CNTN2: variants seen among roughly 807,000 people sequenced by gnomAD.
The protein encoded by CNTN2 is contactin 2, also known as contactin-2.
In CNTN2, 53 loss-of-function variants were observed where a neutral mutation model predicts 117.5. That is an observed-to-expected ratio of 0.45 (90% CI 0.36 to 0.57). The LOEUF (loss-of-function observed/expected upper bound fraction) is 0.57. Ranked by LOEUF, CNTN2 falls within the 20% of genes least tolerant of loss-of-function variation. The pLI is 0.00. For missense variants in CNTN2, 1,106 were observed against 1,404.3 expected (o/e 0.79, Z 3.39); for synonymous variants, 530 against 561.7 (o/e 0.94, Z 0.80).
Position 205,072,614 on chromosome 1 carries a change from A to C in CNTN2, c.2844+19A>C. ...CTATAAGGTGAGGAAGCAATCAGCT[A>C]GGCCCAGAATGGGAAGGAACAGCTC... On this transcript the variant is annotated intron_variant, in intron 21 of 22. Transcript: ENST00000331830. 1 of 1,573,538 alleles carries C rather than the reference A, an allele frequency of 6.4e-7. No individual in the cohort carries two copies. Among genetic ancestry groups the C allele is most frequent in the Non-Finnish European group, 8.7e-7 (1 of 1,143,440 alleles).
chr1:205,043,082 G>A (rs2151178497), upstream of CNTN2: 1 of 149,410 alleles, frequency 6.7e-6, no homozygotes, highest in Admixed American at 6.6e-5. Context: ...GGGTGGGAGG[G>A]GGGCAGAAGG....
rs976773438 is a variant in CNTN2, at chr1:205,072,682, A to G, written c.2844+87A>G. 10 of 972,318 alleles carry G rather than the reference A, an allele frequency of 1.0e-5. No individual in the cohort carries two copies. In the African/African-American group the frequency reaches 1.6e-4, roughly 16 times the overall value. 60.2% of individuals were successfully genotyped at this position (972,318 alleles called of 1,614,324 possible). A position where few individuals can be genotyped will look rare whatever the true frequency, so the allele number is the denominator to read the frequency against. ...ACATAAGCAGCAGCAATTTATAGCA[A>G]GAGGCATCTGAGTGAGACATAAGCA... is the stretch of plus-strand genomic sequence containing the variant. On this transcript the variant is annotated intron_variant, in intron 21 of 22. Transcript: ENST00000331830.
At chr1:205,069,438 AT>A in intron 16 of CNTN2, 52 bp from the exon 17 acceptor site, 1 of 1,587,252 alleles carries the variant, frequency 6.3e-7, no homozygotes, top group Non-Finnish European at 8.6e-7. Context: ...CAGGGCTTTC[AT>A]TTTTTCCTTG....
chr1:205,069,562 G>A lies in CNTN2; in HGVS notation c.2196+1G>A. 1.2e-6 allele frequency: 2 copies of A among 1,612,706 alleles called. No individual in the cohort carries two copies. The highest frequency in any genetic ancestry group is 1.7e-6 in the Non-Finnish European group (2 of 1,179,954). On this transcript the variant is annotated splice_donor_variant, in intron 17 of 22. Coordinates refer to ENST00000331830, the MANE Select transcript of CNTN2 (RefSeq NM_005076.5). LOFTEE classifies it high-confidence loss of function. ...CGGAGAGCTCATCGTCAACTGGACG[G>A]TAAGCTGCAAGGGTCAGATGTCCTC...
chr1:205,048,691 T>A lies in CNTN2; in HGVS notation c.-86-4409T>A, dbSNP rs537232359. On this transcript the variant is annotated intron_variant, in intron 1 of 22. Transcript: ENST00000331830. This position sits in a 1 kb window ranked among gnomAD's most constrained non-coding sequence, Gnocchi z 4.1. The stretch of plus-strand genomic sequence containing the variant: ...TAATAGGGCAGATGGTATGGGGAGA[T>A]GACTGATCGGTGAACTCATGAGCGC... Among the ~76,000 whole-genome samples the A allele has an allele frequency of 6.6e-6, 1 of 152,310 alleles. No homozygotes were observed. The highest frequency in any genetic ancestry group is 2.1e-4 in the South Asian group (1 of 4,834).
chr1:205,069,428 C>T (rs552246929), intron 16 of CNTN2, 63 bp from the exon 17 acceptor site: 1 of 1,553,310 alleles, frequency 6.4e-7, no homozygotes, highest in Admixed American at 1.7e-5. Context: ...GGCACAGGCT[C>T]AGGGCTTTCA....
chr1:205,068,548 T>G (rs6593920), intron 16 of CNTN2: 61,126 of 152,040 alleles, frequency 0.4, 12,719 homozygotes, highest in Non-Finnish European at 0.45. Context: ...AGCATCCCAG[T>G]AGCTGAGGAG....
At position 205,059,996 on chromosome 1, in the gene CNTN2, T is replaced by A. The variant is rs1485564543; in HGVS notation, c.797+314T>A. On this transcript the variant is annotated intron_variant, in intron 7 of 22. Transcript: ENST00000331830. The surrounding 1 kb of genome is among the most constrained non-coding windows in gnomAD (Gnocchi z 5.6). Reference sequence around the variant, plus strand: ...TGTACAGACTCCAACCCTGTCTGTCTCATTCAGATCCCAGCTCTGCCACCC... The same window carrying A: ...TGTACAGACTCCAACCCTGTCTGTCACATTCAGATCCCAGCTCTGCCACCC... 1 of 340,986 alleles carries A rather than the reference T, an allele frequency of 2.9e-6. No homozygotes were observed. The highest frequency in any genetic ancestry group is 5.5e-6 in the Non-Finnish European group (1 of 183,434). The allele number at this position is 340,986 out of a possible 1,614,324, so 21.1% of individuals were successfully genotyped here.
At chr1:205,047,858 A>G (rs1309411189) in intron 1 of CNTN2, among the ~76,000 whole-genome samples, 2 of 152,016 alleles carry the variant, frequency 1.3e-5, no homozygotes, top group Non-Finnish European at 2.9e-5. Context: ...CAGCAGCCCC[A>G]TGGGGCGGGT....
rs1330863655 is a variant in CNTN2, at chr1:205,048,790, G to A, written c.-86-4310G>A. On this transcript the variant is annotated intron_variant, in intron 1 of 22. Coordinates refer to ENST00000331830, the MANE Select transcript of CNTN2 (RefSeq NM_005076.5). The surrounding 1 kb of genome is among the most constrained non-coding windows in gnomAD (Gnocchi z 4.1). ...TTTATTACTGTCTCCCCTGTGCTTA[G>A]CACAATGCCTGGCACATGGTCAATA... is the stretch of plus-strand genomic sequence containing the variant. Among the ~76,000 whole-genome samples, 1 of 152,164 alleles carries A rather than the reference G, an allele frequency of 6.6e-6. No homozygotes were observed. Among genetic ancestry groups the A allele is most frequent in the East Asian group, 1.9e-4 (1 of 5,190 alleles).
At chr1:205,044,458 T>TGG (rs34682563) in intron 1 of CNTN2, among the ~76,000 whole-genome samples, 1,082 of 100,684 alleles carry the variant, frequency 0.011, 19 homozygotes, top group African/African-American at 0.034. Flanking sequence ...GCCTGTGTCC[T>TGG]GGGGGGGGGG....
chr1:205,052,319 A>G (rs2096454293), intron 1 of CNTN2, among the ~76,000 whole-genome samples: 1 of 152,186 alleles, frequency 6.6e-6, no homozygotes, highest in Non-Finnish European at 1.5e-5. Flanking sequence ...ACCTCCCAAG[A>G]GAAGGCCCCA....
Position 205,065,414 on chromosome 1 carries a change from G to T in CNTN2, c.1695+152G>T. 1.2e-6 allele frequency: 1 copy of T among 837,626 alleles called. No individual in the cohort carries two copies. The allele number at this position is 837,626 out of a possible 1,614,324, so 51.9% of individuals were successfully genotyped here. A position where few individuals can be genotyped will look rare whatever the true frequency, so the allele number is the denominator to read the frequency against. On this transcript the variant is annotated intron_variant, in intron 13 of 22. Coordinates refer to ENST00000331830, the MANE Select transcript of CNTN2 (RefSeq NM_005076.5). The surrounding 1 kb of genome is among the most constrained non-coding windows in gnomAD (Gnocchi z 4.1). ...ACACATGGCAAGCTCATCCTTGGAT[G>T]AACAGCTGACCTTCCTGGATTCCAC...
In CNTN2 at chr1:205,073,788, C is replaced by A; in HGVS notation, c.*23C>A. On this transcript the variant is annotated 3_prime_UTR_variant, in exon 23 of 23. Coordinates refer to ENST00000331830, the MANE Select transcript of CNTN2 (RefSeq NM_005076.5). This position sits in a 1 kb window ranked among gnomAD's most constrained non-coding sequence, Gnocchi z 6.3. ...TGATCCTGGAACCCCTCCCTCTGCG[C>A]CGCAGCTGGACGCCACCTCCGACGG... The A allele has an allele frequency of 1.3e-6, 2 of 1,590,400 alleles. No homozygotes were observed. Among genetic ancestry groups the A allele is most frequent in the South Asian group, 2.2e-5 (2 of 90,334 alleles).
chr1:205,066,052 C>A, intron 14 of CNTN2, 143 bp downstream of exon 14: 2 of 994,986 alleles, frequency 2.0e-6, no homozygotes, highest in Non-Finnish European at 2.9e-6. Context: ...GCTGGATATA[C>A]CCTGTGGTTC....
At chr1:205,056,545 C>G (rs1420322638) in intron 2 of CNTN2, among the ~76,000 whole-genome samples, 3 of 152,210 alleles carry the variant, frequency 2.0e-5, no homozygotes, top group Non-Finnish European at 2.9e-5. Context: ...TGGGCCTCAG[C>G]TGCAGCATGG....
At chr1:205,053,037 T>C in intron 1 of CNTN2, 63 bp from the exon 2 acceptor site, 1 of 500,488 alleles carries the variant, frequency 2.0e-6, no homozygotes, top group South Asian at 3.3e-5. Flanking sequence ...CGGACCCAGA[T>C]GTGCCTGGAG....
Position 205,076,421 on chromosome 1 carries a change from C to T in CNTN2, c.*2656C>T, listed in dbSNP as rs181544971. 5.6e-4 allele frequency: 86 copies of T among 152,294 alleles called. No individual in the cohort carries two copies. Among genetic ancestry groups the T allele is most frequent in the African/African-American group, 1.8e-3 (74 of 41,566 alleles). The allele number at this position is 152,294 out of a possible 1,614,324, so 9.4% of individuals were successfully genotyped here. ...AGATGTTTCTCAGGATCCCCTCCTG[C>T]GCAGGGGTTCTCTGATTTTCGTGTT... On this transcript the variant is annotated 3_prime_UTR_variant, in exon 23 of 23. Coordinates refer to ENST00000331830, the MANE Select transcript of CNTN2 (RefSeq NM_005076.5).
intron 2 of CNTN2, among the ~76,000 whole-genome samples, chr1:205,054,779 C>T (rs1274712871): frequency 2.6e-5 from 4 of 152,108 alleles, no homozygotes; most frequent in African/African-American, 9.7e-5. Context: ...GCCCTGTCCT[C>T]GGGATATAGC....
Sources: gnomAD v4.1 joint callset for allele counts (sites outside exome capture counted in the v4.1 genomes callset) on GRCh38, gnomAD v4.1.1 for gene constraint, Gnocchi (gnomAD v3.1) non-coding constraint, MANE v1.5 for transcripts, NCBI Gene and HGNC (gene_info 2026-07-23, HGNC 2026-07-21) for gene names.